DDX42: variants seen among roughly 807,000 people sequenced by gnomAD.
DDX42 encodes ATP-dependent RNA helicase DDX42.
Under a neutral mutation model 101.5 loss-of-function variants are expected in DDX42, and 22 were observed. That is an observed-to-expected ratio of 0.22 (90% CI 0.15 to 0.31). DDX42 has a LOEUF of 0.31. DDX42 is among the 10% of genes least tolerant of loss of function. The pLI is 1.00. For synonymous variants in DDX42, 402 were observed against 401.2 expected (o/e 1.00, Z -0.02); for missense variants, 849 against 1,199.9 (o/e 0.71, Z 4.32).
At chr17:63,782,474 C>T (rs887162902) in intron 1 of DDX42, among the ~76,000 whole-genome samples, 9 of 152,056 alleles carry the variant, frequency 5.9e-5, no homozygotes, top group Admixed American at 5.2e-4. Context: ...CACCTTTTGC[C>T]TAATTTTGCA....
intron 1 of DDX42, among the ~76,000 whole-genome samples, chr17:63,786,524 A>T (rs182386659): frequency 7.9e-5 from 12 of 152,222 alleles, no homozygotes; most frequent in Non-Finnish European, 1.8e-4. Flanking sequence ...TCCTGGGTTC[A>T]AGTAGTCTTC....
chr17:63,817,196 ATTG>A, intron 17 of DDX42: 1 of 488,186 alleles, frequency 2.0e-6, no homozygotes, highest in Non-Finnish European at 3.7e-6. Flanking sequence ...GGGGCCTGGG[ATTG>A]TTGTCCTGCA....
At chr17:63,802,881 G>C (rs1420020998) in intron 6 of DDX42, among the ~76,000 whole-genome samples, 1 of 148,304 alleles carries the variant, frequency 6.7e-6, no homozygotes, top group East Asian at 2.0e-4. Flanking sequence ...TTGCACTCCA[G>C]CCTGGGCAAT....
intron 2 of DDX42, among the ~76,000 whole-genome samples, chr17:63,790,330 A>G (rs1345899261): frequency 1.3e-5 from 2 of 152,162 alleles, no homozygotes; most frequent in Non-Finnish European, 2.9e-5. Flanking sequence ...AAGCATATAG[A>G]CTATATATTT....
At position 63,787,125 on chromosome 17, in the gene DDX42, AAGG is replaced by A; in HGVS notation, c.81_83del (p.Glu28del). On this transcript the variant is annotated inframe_deletion, in exon 2 of 18. Coordinates refer to ENST00000389924, the MANE Select transcript of DDX42 (RefSeq NM_203499.3). ...AGGTTTTGCCATCAGTGCTGGGAAA[AAGG>A]AGGAACCCAAACTCCCACAGCAGTC... 1 of 1,614,196 alleles carries A rather than the reference AAGG, an allele frequency of 6.2e-7. No homozygotes were observed. Among genetic ancestry groups the A allele is most frequent in the South Asian group, 1.1e-5 (1 of 91,078 alleles).
rs139222190 is a variant in DDX42 at position 63,817,920 on chromosome 17, C to T, written c.2339C>T (p.Pro780Leu). The change falls in exon 18 of 18, where the codon CCG (proline) becomes CTG (leucine). Residue 780 changes from proline to leucine, a missense_variant. By Grantham distance (98) the Pro-to-Leu change is moderately conservative. This residue lies in a region of DDX42 where 300 missense variants were observed against 304.9 expected (regional missense o/e 0.98). Coordinates refer to ENST00000389924, the MANE Select transcript of DDX42 (RefSeq NM_203499.3). ...ATCAGTGGTGCCCCTGTGACCTACCCGTCTGCCGGAGCCCAAGGAGTCAAC... is the reference window on the plus strand; with the variant it reads ...ATCAGTGGTGCCCCTGTGACCTACCTGTCTGCCGGAGCCCAAGGAGTCAAC... ...GNISGAPVTY[P>L]SAGAQGVNNT... The T allele has an allele frequency of 1.1e-4, 174 of 1,614,178 alleles. No individual in the cohort carries two copies. The highest frequency in any genetic ancestry group is 1.2e-4 in the Non-Finnish European group (146 of 1,180,040).
At chr17:63,789,740 A>C (rs1256970146) in intron 2 of DDX42, among the ~76,000 whole-genome samples, 2 of 149,812 alleles carry the variant, frequency 1.3e-5, no homozygotes, top group African/African-American at 4.9e-5. Flanking sequence ...CGCCTGGCTA[A>C]TTTTGTATTT....
chr17:63,801,670 G>A (rs928683216), intron 6 of DDX42, among the ~76,000 whole-genome samples: 17 of 152,100 alleles, frequency 1.1e-4, no homozygotes, highest in Admixed American at 9.2e-4. Context: ...GGCCAGGCTG[G>A]TCTCGAACTC....
chr17:63,813,058 ACAT>A (rs2039932023), intron 14 of DDX42, among the ~76,000 whole-genome samples, 167 bp from the exon 15 acceptor site: 1 of 152,156 alleles, frequency 6.6e-6, no homozygotes, highest in Non-Finnish European at 1.5e-5. Context: ...AGAAGGCCTA[ACAT>A]CATAGAATCT....
At chr17:63,780,512 T>G (rs534619402) in intron 1 of DDX42, among the ~76,000 whole-genome samples, 1 of 152,340 alleles carries the variant, frequency 6.6e-6, no homozygotes, top group South Asian at 2.1e-4. Context: ...TTGAGTACTA[T>G]GCAGACACCA....
intron 1 of DDX42, among the ~76,000 whole-genome samples, chr17:63,786,442 G>A (rs558059152): frequency 1.3e-5 from 2 of 152,150 alleles, no homozygotes; most frequent in South Asian, 2.1e-4. Context: ...CTTTTTTAAT[G>A]TAAAAAGAGA....
At chr17:63,778,013 G>A (rs1039681224) in intron 1 of DDX42, among the ~76,000 whole-genome samples, 1 of 152,174 alleles carries the variant, frequency 6.6e-6, no homozygotes, top group Non-Finnish European at 1.5e-5. Flanking sequence ...ATGATTAACT[G>A]TGGAGAGCTA....
chr17:63,789,412 C>T (rs1462433621), intron 2 of DDX42, among the ~76,000 whole-genome samples: 1 of 151,856 alleles, frequency 6.6e-6, no homozygotes, highest in African/African-American at 2.4e-5. Flanking sequence ...CAGGGTCTTG[C>T]TTTGTTGCCC....
At chr17:63,808,209 A>T (rs1451726231) in intron 9 of DDX42, among the ~76,000 whole-genome samples, 2 of 151,856 alleles carry the variant, frequency 1.3e-5, no homozygotes. Flanking sequence ...ACAGAGTCTC[A>T]CTCTTTTGCC....
intron 1 of DDX42, among the ~76,000 whole-genome samples, chr17:63,784,910 G>T (rs1264242607): frequency 6.6e-6 from 1 of 152,134 alleles, no homozygotes; most frequent in Non-Finnish European, 1.5e-5. Context: ...TGTGTTACCA[G>T]TATTATACTG....
intron 1 of DDX42, among the ~76,000 whole-genome samples, chr17:63,784,774 A>G (rs1381214945): frequency 7.3e-6 from 1 of 137,340 alleles, no homozygotes; most frequent in Non-Finnish European, 1.6e-5. Flanking sequence ...CTTGTCTTAA[A>G]AAAAGATTTT....
chr17:63,801,166 C>T (rs1055000399), intron 6 of DDX42, among the ~76,000 whole-genome samples: 5 of 151,788 alleles, frequency 3.3e-5, no homozygotes, highest in Admixed American at 6.6e-5. Flanking sequence ...CTGCCTGCCT[C>T]AGCCTCCTGG....
chr17:63,792,360 T>C, intron 2 of DDX42, 52 bp from the exon 3 acceptor site: 1 of 1,571,902 alleles, frequency 6.4e-7, no homozygotes, highest in Non-Finnish European at 8.7e-7. Context: ...ATGAAAGATT[T>C]ACTGACCCCA....
At chr17:63,792,331 A>G (rs2039638221) in intron 2 of DDX42, 81 bp from the exon 3 acceptor site, 1 of 1,450,298 alleles carries the variant, frequency 6.9e-7, no homozygotes, top group Non-Finnish European at 9.4e-7. Context: ...AAGATATACC[A>G]TAATAAAAAT....
Sources: gnomAD v4.1 joint callset for allele counts (sites outside exome capture counted in the v4.1 genomes callset) on GRCh38, gnomAD v4.1.1 for gene constraint, gnomAD v4.1.1 regional missense constraint, MANE v1.5 for transcripts, NCBI Gene and HGNC (gene_info 2026-07-23, HGNC 2026-07-21) for gene names.